DPP6: variants seen among roughly 807,000 people sequenced by gnomAD.
DPP6 encodes dipeptidyl peptidase like 6.
Under a neutral mutation model 122.6 loss-of-function variants are expected in DPP6, and 69 were observed. That is an observed-to-expected ratio of 0.56 (90% CI 0.46 to 0.69). The LOEUF (loss-of-function observed/expected upper bound fraction) is 0.69. DPP6 is among the 30% of genes least tolerant of loss of function. The pLI is 0.00. For synonymous variants in DPP6, 418 were observed against 433.1 expected, an observed-to-expected ratio of 0.97 and a Z score of 0.43; for missense variants, 928 against 1,116.9, an observed-to-expected ratio of 0.83 and a Z score of 2.41.
chr7:154,201,329 A>G (rs1447062260), intron 1 of DPP6, among the ~76,000 whole-genome samples: 3 of 152,132 alleles, frequency 2.0e-5, no homozygotes, highest in Admixed American at 6.5e-5. Flanking sequence ...GGGTTTCACC[A>G]TGTTGGCCAA....
intron 1 of DPP6, among the ~76,000 whole-genome samples, chr7:154,335,577 A>G (rs1232502011): frequency 6.6e-6 from 1 of 152,174 alleles, no homozygotes; most frequent in Non-Finnish European, 1.5e-5. Flanking sequence ...ACCGTAGTAG[A>G]TTAAGAGTAC....
intron 1 of DPP6, among the ~76,000 whole-genome samples, chr7:154,421,559 G>T (rs898118601): frequency 2.6e-5 from 4 of 152,088 alleles, no homozygotes; most frequent in Admixed American, 1.3e-4. Flanking sequence ...CCTGACCTCA[G>T]GTGATCTGCC....
At chr7:154,574,438 GTA>G (rs1158269900) in intron 5 of DPP6, among the ~76,000 whole-genome samples, 3 of 145,468 alleles carry the variant, frequency 2.1e-5, no homozygotes, top group East Asian at 2.1e-4. Flanking sequence ...TGGTGTGTGT[GTA>G]TGTGTGTGGT....
At chr7:154,558,715 T>C (rs1158073635) in intron 4 of DPP6, among the ~76,000 whole-genome samples, 2 of 152,228 alleles carry the variant, frequency 1.3e-5, no homozygotes, top group Non-Finnish European at 2.9e-5. Flanking sequence ...GGCTGTACCA[T>C]CTAGGTTCGT....
At chr7:154,518,613 A>T (rs890389537) in intron 3 of DPP6, among the ~76,000 whole-genome samples, 1 of 152,118 alleles carries the variant, frequency 6.6e-6, no homozygotes, top group African/African-American at 2.4e-5. Flanking sequence ...GCCATACTTG[A>T]TCTCTAGGAT....
intron 4 of DPP6, among the ~76,000 whole-genome samples, chr7:154,548,421 G>A (rs991089594): frequency 2.0e-5 from 3 of 151,212 alleles, no homozygotes; most frequent in Non-Finnish European, 4.4e-5. Flanking sequence ...CCAGCTACTC[G>A]GGAGGCTGAG....
chr7:154,049,170 C>T (rs1427165876), upstream of DPP6, among the ~76,000 whole-genome samples: 1 of 149,848 alleles, frequency 6.7e-6, no homozygotes, highest in Non-Finnish European at 1.5e-5. Flanking sequence ...GCTTCATCGC[C>T]ACAGTGTACT....
chr7:154,077,068 C>CT, intron 1 of DPP6, among the ~76,000 whole-genome samples: 1 of 152,322 alleles, frequency 6.6e-6, no homozygotes, highest in African/African-American at 2.4e-5. Flanking sequence ...TAAAACAATA[C>CT]TTTTGATAAA....
chr7:154,449,238 CAAAT>C (rs1417010386), intron 2 of DPP6, among the ~76,000 whole-genome samples: 1 of 151,618 alleles, frequency 6.6e-6, no homozygotes, highest in Admixed American at 6.6e-5. Flanking sequence ...AACAAAAAAA[CAAAT>C]AATTCAATTT....
the DPP6 span, among the ~76,000 whole-genome samples, chr7:153,810,140 T>G: frequency 6.6e-6 from 1 of 152,260 alleles, no homozygotes; most frequent in African/African-American, 2.4e-5. Flanking sequence ...TGACATAAGC[T>G]GGACAAGTAC....
the DPP6 span, among the ~76,000 whole-genome samples, chr7:153,808,910 A>G: frequency 0.34 from 50,948 of 150,924 alleles, 8,720 homozygotes; most frequent in East Asian, 0.39. Context: ...TACACCCAGA[A>G]GTGGAATTGC....
At chr7:154,028,931 T>C (rs1799083663) in intron 1 of DPP6, among the ~76,000 whole-genome samples, 1 of 151,632 alleles carries the variant, frequency 6.6e-6, no homozygotes, top group Non-Finnish European at 1.5e-5. Flanking sequence ...GGAGGCCCTT[T>C]TCTTCCTCTT....
At chr7:154,163,978 A>G (rs1201442629) in intron 1 of DPP6, among the ~76,000 whole-genome samples, 1 of 152,010 alleles carries the variant, frequency 6.6e-6, no homozygotes, top group Non-Finnish European at 1.5e-5. Context: ...CCAAGTGGAA[A>G]CACCCCAAAG....
intron 8 of DPP6, among the ~76,000 whole-genome samples, chr7:154,759,225 C>G (rs145829056): frequency 6.6e-6 from 1 of 152,216 alleles, no homozygotes; most frequent in Non-Finnish European, 1.5e-5. Flanking sequence ...GTGTGCACTC[C>G]GGCTCACTGC....
intron 1 of DPP6, among the ~76,000 whole-genome samples, chr7:154,158,688 T>A (rs1411033933): frequency 6.6e-6 from 1 of 152,002 alleles, no homozygotes; most frequent in African/African-American, 2.4e-5. Flanking sequence ...AAAAGCTGAA[T>A]AGAATTTTGG....
At chr7:153,756,889 C>G in the DPP6 span, among the ~76,000 whole-genome samples, 1 of 151,928 alleles carries the variant, frequency 6.6e-6, no homozygotes, top group African/African-American at 2.4e-5. Flanking sequence ...TAAAATGAAT[C>G]TAAGCTCATA....
chr7:154,464,161 G>C (rs1476676879), intron 2 of DPP6, among the ~76,000 whole-genome samples: 1 of 152,214 alleles, frequency 6.6e-6, no homozygotes, highest in Non-Finnish European at 1.5e-5. Context: ...TTCCCGAATG[G>C]CTAGGGCTGG....
At chr7:153,969,276 A>AT (rs199560614) in intron 1 of DPP6, among the ~76,000 whole-genome samples, 15,379 of 143,634 alleles carry the variant, frequency 0.11, 1,821 homozygotes, top group African/African-American at 0.29. Flanking sequence ...AGATTCAGCC[A>AT]TTTTTTTTTT....
intron 1 of DPP6, among the ~76,000 whole-genome samples, chr7:154,106,192 C>T (rs931570168): frequency 6.3e-5 from 9 of 143,566 alleles, no homozygotes; most frequent in African/African-American, 2.1e-4. Flanking sequence ...TCCGTTACTT[C>T]CTTCTTTGCT....
Sources: allele counts gnomAD v4.1 joint callset (sites outside exome capture counted in the v4.1 genomes callset), GRCh38; gene constraint gnomAD v4.1.1; transcripts MANE v1.5; gene names NCBI Gene and HGNC (gene_info 2026-07-23, HGNC 2026-07-21).